LINGO2: variants seen among roughly 807,000 people sequenced by gnomAD.
The protein encoded by LINGO2 is leucine rich repeat and Ig domain containing 2, also known as leucine-rich repeat and immunoglobulin-like domain-containing nogo receptor-interacting protein 2.
A neutral mutation model predicts 30.6 loss-of-function variants in LINGO2; 14 were observed. The observed-to-expected ratio is 0.46, with a 90% CI of 0.30 to 0.72. The LOEUF is 0.72. Ranked by LOEUF, LINGO2 falls within the 30% of genes least tolerant of loss-of-function variation. The pLI is 0.07. For missense variants in LINGO2, 729 were observed against 751.7 expected (o/e 0.97, Z 0.35); for synonymous variants, 317 against 288.5 (o/e 1.10, Z -1.00).
the LINGO2 span, among the ~76,000 whole-genome samples, chr9:29,010,315 G>A: frequency 1.3e-5 from 2 of 152,276 alleles, no homozygotes; most frequent in East Asian, 1.9e-4. Context: ...AATCTACAGA[G>A]AAAGCTGTAA....
the LINGO2 span, among the ~76,000 whole-genome samples, chr9:28,785,649 A>G: frequency 4.7e-5 from 1 of 21,404 alleles, no homozygotes; most frequent in African/African-American, 1.8e-4. Context: ...CCCGCCACCC[A>G]GGGCCCTTCT....
the LINGO2 span, among the ~76,000 whole-genome samples, chr9:28,874,368 T>A: frequency 6.6e-6 from 1 of 151,836 alleles, no homozygotes; most frequent in African/African-American, 2.4e-5. Context: ...TTAAAGCAAA[T>A]AATGGAAGAA....
At chr9:29,004,059 C>A in the LINGO2 span, among the ~76,000 whole-genome samples, 1 of 152,084 alleles carries the variant, frequency 6.6e-6, no homozygotes, top group Non-Finnish European at 1.5e-5. Context: ...GCCCAGTTGA[C>A]TGATTCCTCT....
intron 2 of LINGO2, among the ~76,000 whole-genome samples, chr9:28,419,875 TA>T (rs980470017): frequency 2.5e-4 from 38 of 151,974 alleles, no homozygotes; most frequent in African/African-American, 8.0e-4. Context: ...TTATAAAAAG[TA>T]ATAAGTAAGG....
the LINGO2 span, among the ~76,000 whole-genome samples, chr9:28,822,194 A>G: frequency 2.0e-5 from 3 of 152,146 alleles, no homozygotes; most frequent in African/African-American, 7.2e-5. Context: ...AGCATACTCA[A>G]CCAAAGTTAA....
intron 3 of LINGO2, among the ~76,000 whole-genome samples, chr9:28,326,572 CTT>C (rs1825236861): frequency 6.6e-6 from 1 of 152,184 alleles, no homozygotes; most frequent in Non-Finnish European, 1.5e-5. Flanking sequence ...TTACCTGGTT[CTT>C]CCATGAGATG....
chr9:28,323,011 T>G (rs1383607320), intron 3 of LINGO2, among the ~76,000 whole-genome samples: 1 of 152,190 alleles, frequency 6.6e-6, no homozygotes, highest in Non-Finnish European at 1.5e-5. Context: ...AAATCTTTAT[T>G]CTAATTGTGC....
At chr9:28,389,166 T>G (rs1359062878) in intron 2 of LINGO2, among the ~76,000 whole-genome samples, 7 of 152,166 alleles carry the variant, frequency 4.6e-5, no homozygotes, top group Admixed American at 2.0e-4. Context: ...CTTTAGGAGA[T>G]TGTTATCTAA....
chr9:28,381,568 T>G (rs774904664), intron 2 of LINGO2, among the ~76,000 whole-genome samples: 4 of 152,102 alleles, frequency 2.6e-5, no homozygotes, highest in Non-Finnish European at 5.9e-5. Context: ...AAAACCATAT[T>G]TGTGTCTGAA....
the LINGO2 span, among the ~76,000 whole-genome samples, chr9:28,770,406 T>C: frequency 1.3e-5 from 2 of 152,188 alleles, no homozygotes; most frequent in Non-Finnish European, 2.9e-5. Context: ...TGAAACCGCA[T>C]AGGTCTTGTG....
At chr9:29,142,520 T>C in the LINGO2 span, among the ~76,000 whole-genome samples, 4 of 151,574 alleles carry the variant, frequency 2.6e-5, no homozygotes, top group Non-Finnish European at 5.9e-5. Flanking sequence ...ACTAATTCAG[T>C]TCAAAATTAG....
At chr9:28,842,860 T>C in the LINGO2 span, among the ~76,000 whole-genome samples, 2 of 151,942 alleles carry the variant, frequency 1.3e-5, no homozygotes, top group Admixed American at 6.5e-5. Context: ...GTTTATAAAG[T>C]TACTCTGAGA....
intron 4 of LINGO2, among the ~76,000 whole-genome samples, chr9:28,141,030 C>T (rs1223173352): frequency 6.6e-6 from 1 of 151,818 alleles, no homozygotes; most frequent in African/African-American, 2.4e-5. Context: ...TATCTTAAGT[C>T]CAAACCAGTG....
the LINGO2 span, among the ~76,000 whole-genome samples, chr9:29,028,346 G>A: frequency 6.7e-6 from 1 of 148,368 alleles, no homozygotes; most frequent in Non-Finnish European, 1.5e-5. Flanking sequence ...CAGGAAGGAG[G>A]GTTTCATTCA....
Position 28,403,866 on chromosome 9 carries a change from A to G in LINGO2, c.-278-30998T>C, listed in dbSNP as rs149760699. Among the ~76,000 whole-genome samples, 211 of 152,252 alleles carry G rather than the reference A, an allele frequency of 1.4e-3. 2 individuals carry two copies. The highest frequency in any genetic ancestry group is 4.7e-3 in the African/African-American group (196 of 41,562). On this transcript the variant is annotated intron_variant, in intron 2 of 5. Coordinates refer to ENST00000379992, the Ensembl canonical transcript of LINGO2. ...TGCTACAGTTATTTGCACATGGAAT[A>G]TGAATATAAGATTTTTTAAATGGAA...
the LINGO2 span, among the ~76,000 whole-genome samples, chr9:28,806,155 G>C: frequency 6.6e-6 from 1 of 152,098 alleles, no homozygotes; most frequent in African/African-American, 2.4e-5. Flanking sequence ...GCTTATCATA[G>C]AATGTCCTAA....
chr9:28,273,225 T>G (rs1192826247), intron 4 of LINGO2, among the ~76,000 whole-genome samples: 1 of 152,216 alleles, frequency 6.6e-6, no homozygotes, highest in African/African-American at 2.4e-5. Context: ...AGATTCTTTA[T>G]TTTATACCCA....
At chr9:28,154,756 C>T (rs1828088354) in intron 4 of LINGO2, among the ~76,000 whole-genome samples, 1 of 152,184 alleles carries the variant, frequency 6.6e-6, no homozygotes, top group Non-Finnish European at 1.5e-5. Context: ...ATAATAATAT[C>T]ATCCTAGTAA....
chr9:28,846,310 C>A, the LINGO2 span, among the ~76,000 whole-genome samples: 2 of 151,614 alleles, frequency 1.3e-5, no homozygotes, highest in Non-Finnish European at 2.9e-5. Context: ...TACTTCTGCC[C>A]TGTTCGAGCC....
Sources: gnomAD v4.1 joint callset for allele counts (sites outside exome capture counted in the v4.1 genomes callset) on GRCh38, gnomAD v4.1.1 for gene constraint, MANE v1.5 for transcripts, NCBI Gene and HGNC (gene_info 2026-07-23, HGNC 2026-07-21) for gene names.